Variants in TMEM131 observed in about 807,000 individuals in gnomAD.
TMEM131 encodes 2610524E03Rik.
A neutral mutation model predicts 211.6 loss-of-function variants in TMEM131; 66 were observed. The ratio of observed to expected loss-of-function variants is 0.31; its 90% CI spans 0.26 to 0.38. TMEM131 has a LOEUF of 0.38. Ranked by LOEUF, TMEM131 falls within the 10% of genes least tolerant of loss-of-function variation. TMEM131 has a pLI of 1.00. For synonymous variants in TMEM131, 844 were observed against 841.3 expected (o/e 1.00, Z -0.06); for missense variants, 2,036 against 2,299.3 (o/e 0.89, Z 2.34).
intron 25 of TMEM131, among the ~76,000 whole-genome samples, chr2:97,801,431 T>A (rs1287494049): frequency 6.6e-6 from 1 of 152,220 alleles, no homozygotes; most frequent in South Asian, 2.1e-4. Flanking sequence ...TAAAAGATTA[T>A]CCATTGAGTG....
chr2:97,931,137 T>C (rs148283425), intron 1 of TMEM131, among the ~76,000 whole-genome samples: 5 of 151,958 alleles, frequency 3.3e-5, no homozygotes, highest in African/African-American at 1.2e-4. Context: ...TAATTGGGCA[T>C]ATATTTCTGA....
chr2:97,863,208 T>C (rs559699813), intron 4 of TMEM131, among the ~76,000 whole-genome samples: 3 of 152,334 alleles, frequency 2.0e-5, no homozygotes, highest in Admixed American at 6.5e-5. Context: ...AATAAAGACG[T>C]TCCCAGACAA....
chr2:97,825,084 A>T (rs1372874823), intron 11 of TMEM131, among the ~76,000 whole-genome samples: 1 of 152,132 alleles, frequency 6.6e-6, no homozygotes. Context: ...GTCTTTGAGG[A>T]TCCCACAGAC....
intron 1 of TMEM131, among the ~76,000 whole-genome samples, chr2:97,932,143 A>T (rs1374840175): frequency 3.0e-5 from 2 of 65,726 alleles, no homozygotes; most frequent in Admixed American, 1.3e-4. Context: ...CCCTGTCTTA[A>T]AAAAAAAAAA....
At chr2:97,815,372 T>C (rs539322303) in intron 12 of TMEM131, 65 bp from the exon 13 acceptor site, 6 of 1,055,306 alleles carry the variant, frequency 5.7e-6, no homozygotes, top group African/African-American at 5.0e-5. Context: ...AGTGAATTTA[T>C]GTAAATTGAC....
At chr2:97,987,601 C>T (rs977333680) in intron 1 of TMEM131, among the ~76,000 whole-genome samples, 24 of 152,126 alleles carry the variant, frequency 1.6e-4, no homozygotes, top group Admixed American at 7.2e-4. Context: ...TAACGAAATA[C>T]CTTAAGTACG....
At chr2:97,887,405 A>T (rs775861251) in intron 4 of TMEM131, among the ~76,000 whole-genome samples, 3 of 152,168 alleles carry the variant, frequency 2.0e-5, no homozygotes, top group Non-Finnish European at 4.4e-5. Flanking sequence ...TTTCAGGTGC[A>T]GGGCCATTGG....
At chr2:97,784,831 A>G (rs543535539) in intron 31 of TMEM131, among the ~76,000 whole-genome samples, 1 of 152,274 alleles carries the variant, frequency 6.6e-6, no homozygotes, top group South Asian at 2.1e-4. Flanking sequence ...TGATTAGATC[A>G]GTAAAACTGA....
chr2:97,974,761 ATC>A (rs1036932232), intron 1 of TMEM131, among the ~76,000 whole-genome samples: 1 of 152,164 alleles, frequency 6.6e-6, no homozygotes, highest in Non-Finnish European at 1.5e-5. Context: ...AAATAAAAGT[ATC>A]TGAGAACAAA....
intron 12 of TMEM131, among the ~76,000 whole-genome samples, chr2:97,817,831 G>A (rs1681905392): frequency 6.6e-6 from 1 of 152,184 alleles, no homozygotes; most frequent in Admixed American, 6.5e-5. Context: ...GCTTTACTAT[G>A]TGGACTCTGA....
chr2:97,890,446 ATTCT>A (rs1473210217), intron 3 of TMEM131, among the ~76,000 whole-genome samples: 1 of 152,182 alleles, frequency 6.6e-6, no homozygotes, highest in Admixed American at 6.5e-5. Context: ...AGGATAACTC[ATTCT>A]AAGATTTTCA....
intron 22 of TMEM131, among the ~76,000 whole-genome samples, chr2:97,804,043 TAAAC>T (rs78441607): frequency 0.05 from 7,678 of 152,266 alleles, 269 homozygotes; most frequent in Middle Eastern, 0.11. Context: ...AGAGTTCAGA[TAAAC>T]AAACCCTCCA....
chr2:97,831,674 T>TTC (rs1682695825), intron 11 of TMEM131, among the ~76,000 whole-genome samples: 1 of 131,760 alleles, frequency 7.6e-6, no homozygotes, highest in Non-Finnish European at 1.7e-5. Flanking sequence ...CTTTTTTTTT[T>TTC]TTTTTTTTTT....
intron 2 of TMEM131, among the ~76,000 whole-genome samples, chr2:97,925,180 A>G (rs79709812): frequency 6.6e-6 from 1 of 151,936 alleles, no homozygotes; most frequent in Non-Finnish European, 1.5e-5. Flanking sequence ...CCCTGCCTCT[A>G]TTTTTTTTAA....
intron 4 of TMEM131, among the ~76,000 whole-genome samples, chr2:97,870,201 C>G (rs928380648): frequency 6.6e-6 from 1 of 152,148 alleles, no homozygotes; most frequent in African/African-American, 2.4e-5. Context: ...GTTACAGTTT[C>G]AAAATCCTCT....
intron 1 of TMEM131, among the ~76,000 whole-genome samples, chr2:97,962,653 T>G (rs1678872085): frequency 6.6e-6 from 1 of 152,154 alleles, no homozygotes; most frequent in Non-Finnish European, 1.5e-5. Flanking sequence ...AAACATAATC[T>G]TACCATACAA....
At chr2:97,871,037 T>C (rs1674469771) in intron 4 of TMEM131, among the ~76,000 whole-genome samples, 1 of 152,226 alleles carries the variant, frequency 6.6e-6, no homozygotes, top group Admixed American at 6.5e-5. Flanking sequence ...AATAAAGACA[T>C]CTATTTTTAG....
At chr2:97,926,644 C>A (rs1466760092) in intron 2 of TMEM131, among the ~76,000 whole-genome samples, 1 of 152,128 alleles carries the variant, frequency 6.6e-6, no homozygotes, top group Non-Finnish European at 1.5e-5. Flanking sequence ...TCTGAGATCT[C>A]ACCCAAGCTC....
intron 11 of TMEM131, among the ~76,000 whole-genome samples, chr2:97,828,729 G>C (rs1682514521): frequency 6.6e-6 from 1 of 152,206 alleles, no homozygotes; most frequent in South Asian, 2.1e-4. Context: ...TAACCAGTCA[G>C]GGATACTACA....
Sources: allele counts gnomAD v4.1 joint callset (sites outside exome capture counted in the v4.1 genomes callset), GRCh38; gene constraint gnomAD v4.1.1; transcripts MANE v1.5; gene names NCBI Gene and HGNC (gene_info 2026-07-23, HGNC 2026-07-21).